Variants in ELP4 observed in about 807,000 individuals in gnomAD.
The protein encoded by ELP4 is elongator acetyltransferase complex subunit 4, also known as elongator complex protein 4.
In ELP4, 51 loss-of-function variants were observed where a neutral mutation model predicts 48.9. That is an observed-to-expected ratio of 1.04 (90% CI 0.83 to 1.32). The LOEUF is 1.32. Ranked by LOEUF, ELP4 falls within the 40% of genes most tolerant of loss-of-function variation. ELP4 has a pLI of 0.00. For synonymous variants in ELP4, 210 were observed against 189.2 expected, an observed-to-expected ratio of 1.11 and a Z score of -0.90; for missense variants, 519 against 514.6, an observed-to-expected ratio of 1.01 and a Z score of -0.08.
chr11:31,577,302 C>G (rs549273735), intron 3 of ELP4, among the ~76,000 whole-genome samples: 46 of 152,162 alleles, frequency 3.0e-4, no homozygotes, highest in African/African-American at 9.9e-4. Flanking sequence ...AATAACCTAC[C>G]AACCAAAAAA....
At chr11:31,767,236 G>T (rs1948059612) in intron 9 of ELP4, 1 of 152,116 alleles carries the variant, frequency 6.6e-6, no homozygotes, top group Admixed American at 6.6e-5. Context: ...CATACCTGCA[G>T]ACCCTGGATG....
chr11:31,659,546 A>G (rs1945509486), intron 9 of ELP4, among the ~76,000 whole-genome samples: 1 of 152,184 alleles, frequency 6.6e-6, no homozygotes, highest in Non-Finnish European at 1.5e-5. Flanking sequence ...CTTGTTTCAA[A>G]TATTATTGCT....
intron 2 of ELP4, among the ~76,000 whole-genome samples, chr11:31,536,121 C>T (rs1328126085): frequency 6.6e-6 from 1 of 151,904 alleles, no homozygotes; most frequent in South Asian, 2.1e-4. Flanking sequence ...AGTAGTAATC[C>T]ATTTAGGAAT....
At chr11:31,777,755 C>T (rs1009211193) in intron 9 of ELP4, among the ~76,000 whole-genome samples, 12 of 152,180 alleles carry the variant, frequency 7.9e-5, no homozygotes, top group African/African-American at 2.7e-4. Flanking sequence ...AAGTGGAACC[C>T]CTTGTTGAGA....
At chr11:31,577,466 G>T (rs927906475) in intron 3 of ELP4, among the ~76,000 whole-genome samples, 1 of 151,838 alleles carries the variant, frequency 6.6e-6, no homozygotes, top group East Asian at 1.9e-4. Flanking sequence ...ACCAAAGCCT[G>T]GCAGAGACAC....
rs67165653 is a variant in ELP4, at chr11:31,690,431, AT to A, written c.1143+40211del. Among the ~76,000 whole-genome samples, 662 of 152,032 alleles carry A rather than the reference AT, an allele frequency of 4.4e-3. 4 individuals are homozygous for A. In the East Asian group the frequency reaches 0.053, roughly 12 times the overall value. ...TACCCCTTCTTTTTCCTAAAAAAAA[AT>A]ATATATATTTTATATCTGCAATATT... On this transcript the variant is annotated intron_variant, in intron 9 of 9. Transcript: ENST00000640961.
chr11:31,640,706 A>G lies in ELP4; in HGVS notation c.928-7035A>G, dbSNP rs368789386. ...ACAAAATGTAACACTTAGAATTAAT[A>G]TTTAATTAGACTAGCAAATTGTACA... On this transcript the variant is annotated intron_variant, in intron 7 of 9. Transcript: ENST00000640961. 2.0e-5 allele frequency among the ~76,000 whole-genome samples: 3 copies of G among 152,026 alleles called. No homozygotes were observed. In the East Asian group the frequency reaches 5.8e-4, roughly 29 times the overall value.
chr11:31,570,429 T>A (rs1368978196), intron 3 of ELP4, among the ~76,000 whole-genome samples: 1 of 151,758 alleles, frequency 6.6e-6, no homozygotes, highest in Non-Finnish European at 1.5e-5. Flanking sequence ...GGTGACAGTT[T>A]CAATTGTACT....
At chr11:31,542,048 C>T (rs1274688712) in intron 3 of ELP4, among the ~76,000 whole-genome samples, 1 of 152,188 alleles carries the variant, frequency 6.6e-6, no homozygotes, top group Non-Finnish European at 1.5e-5. Context: ...CCAGATTTCT[C>T]CTCATGCCTG....
intron 9 of ELP4, among the ~76,000 whole-genome samples, chr11:31,738,232 CAAA>C (rs57817538): frequency 4.1e-4 from 22 of 53,710 alleles, no homozygotes; most frequent in African/African-American, 1.6e-3. Context: ...CCATCTCTAC[CAAA>C]AAAAAAAAAA....
chr11:31,639,043 A>T (rs1013427511), intron 7 of ELP4, among the ~76,000 whole-genome samples: 1 of 151,910 alleles, frequency 6.6e-6, no homozygotes, highest in African/African-American at 2.4e-5. Context: ...TGATCTTTTT[A>T]AATGCACTTT....
intron 3 of ELP4, among the ~76,000 whole-genome samples, chr11:31,586,435 G>A (rs1957475070): frequency 6.6e-6 from 1 of 152,142 alleles, no homozygotes; most frequent in African/African-American, 2.4e-5. Flanking sequence ...AGTTGTTGAA[G>A]GAAGAGTTTT....
At chr11:31,681,477 G>A (rs1166810921) in intron 9 of ELP4, among the ~76,000 whole-genome samples, 4 of 152,138 alleles carry the variant, frequency 2.6e-5, no homozygotes, top group Admixed American at 2.0e-4. Flanking sequence ...GAATACAGTT[G>A]TAGAAGAGAT....
Position 31,682,104 on chromosome 11 carries a change from C to CT in ELP4, c.1143+31885dup, listed in dbSNP as rs1327471297. The CT allele has an allele frequency of 4.0e-6, 5 of 1,243,596 alleles. No homozygotes were observed. The African/African-American group carries it at 8.0e-5, about 20-fold the overall frequency. The allele number at this position is 1,243,596 out of a possible 1,614,324, so 77.0% of individuals were successfully genotyped here. On this transcript the variant is annotated intron_variant, in intron 9 of 9. Coordinates refer to ENST00000640961, the MANE Select transcript of ELP4 (RefSeq NM_019040.5). The stretch of plus-strand genomic sequence containing the variant: ...AGTAGATACTGATGTTGATTTAGTG[C>CT]TTCTGTAATGTCAGCGTCCCATCCA...
intron 1 of ELP4, among the ~76,000 whole-genome samples, chr11:31,514,280 G>C (rs953051057): frequency 6.6e-6 from 1 of 152,122 alleles, no homozygotes; most frequent in African/African-American, 2.4e-5. Flanking sequence ...GCAACATAGA[G>C]AGACCCTGGC....
chr11:31,534,411 T>C (rs1182752464), intron 2 of ELP4, among the ~76,000 whole-genome samples: 1 of 152,106 alleles, frequency 6.6e-6, no homozygotes, highest in African/African-American at 2.4e-5. Context: ...CTTGGGCATG[T>C]TGGACCTGAA....
Position 31,784,812 on chromosome 11 carries a change from C to A in ELP4, c.*1288C>A, listed in dbSNP as rs1454988404. On this transcript the variant is annotated 3_prime_UTR_variant, in exon 10 of 10. Coordinates refer to ENST00000640961, the MANE Select transcript of ELP4 (RefSeq NM_019040.5). Reference sequence around the variant, plus strand: ...ACACATACTGTATACAGCTTTTATTCAGAATTAGAATAATTGAATCAATGA... The same window carrying A: ...ACACATACTGTATACAGCTTTTATTAAGAATTAGAATAATTGAATCAATGA... 5.7e-6 allele frequency: 1 copy of A among 175,218 alleles called. No individual in the cohort carries two copies. Among genetic ancestry groups the A allele is most frequent in the South Asian group, 2.0e-4 (1 of 5,014 alleles). 10.9% of individuals were successfully genotyped at this position (175,218 alleles called of 1,614,324 possible).
intron 9 of ELP4, among the ~76,000 whole-genome samples, chr11:31,751,026 T>C (rs1290242761): frequency 2.0e-5 from 3 of 152,244 alleles, no homozygotes; most frequent in African/African-American, 7.2e-5. Context: ...GACTATAAAA[T>C]GTTAAAGTCT....
intron 3 of ELP4, among the ~76,000 whole-genome samples, chr11:31,559,289 C>A (rs1454822277): frequency 1.3e-5 from 2 of 152,184 alleles, no homozygotes; most frequent in African/African-American, 4.8e-5. Context: ...GAAACTGACA[C>A]CTGCAGCAAG....
Sources: allele counts gnomAD v4.1 joint callset (sites outside exome capture counted in the v4.1 genomes callset), GRCh38; gene constraint gnomAD v4.1.1; transcripts MANE v1.5; gene names NCBI Gene and HGNC (gene_info 2026-07-23, HGNC 2026-07-21).